The following BDP1 variants were observed in gnomAD, a reference collection of about 807,000 sequenced individuals.
BDP1 encodes BDP1 general transcription factor IIIB subunit.
A neutral mutation model predicts 266.6 loss-of-function variants in BDP1; 169 were observed. The observed-to-expected ratio is 0.63, with a 90% confidence interval of 0.56 to 0.72. BDP1 has a LOEUF of 0.72. Ranked by LOEUF, BDP1 falls within the 30% of genes least tolerant of loss-of-function variation. The pLI is 0.00. For missense variants in BDP1, 3,015 were observed against 3,053.8 expected (o/e 0.99, Z 0.30); for synonymous variants, 1,090 against 1,022.4 (o/e 1.07, Z -1.26).
rs115117069 is a variant in BDP1, at chr5:71,545,528, G to A, written c.6744+309G>A. On this transcript the variant is annotated intron_variant, in intron 32 of 38. Transcript: ENST00000358731. ...TGTATTTTTAGTAGAGACGGGATTC[G>A]CCATATTGGCCAGGCTGGTCTTGAA... 6.1e-3 allele frequency: 1,892 copies of A among 308,866 alleles called. 31 individuals are homozygous for A. Among genetic ancestry groups the A allele is most frequent in the South Asian group, 0.04 (878 of 22,120 alleles). The allele number at this position is 308,866 out of a possible 1,614,324, so 19.1% of individuals were successfully genotyped here.
At chr5:71,544,289 A>G (rs1051854809) in intron 30 of BDP1, 68 bp from the exon 31 acceptor site, 20 of 1,426,780 alleles carry the variant, frequency 1.4e-5, no homozygotes, top group Admixed American at 2.1e-5. Context: ...AAGAGGGCAT[A>G]TGTTTCTAAT....
intron 30 of BDP1, among the ~76,000 whole-genome samples, chr5:71,542,837 G>T (rs900091567): frequency 6.6e-6 from 1 of 152,002 alleles, no homozygotes; most frequent in East Asian, 1.9e-4. Flanking sequence ...GTTATATACT[G>T]TATTCTTATG....
rs1580108718 is a variant in BDP1, at chr5:71,510,572, A to G, written c.3480A>G (p.Pro1160=). 2 of 1,614,220 alleles carry G rather than the reference A, an allele frequency of 1.2e-6. No individual in the cohort carries two copies. Among genetic ancestry groups the G allele is most frequent in the Middle Eastern group, 1.6e-4 (1 of 6,062 alleles). ...RREISPEENG[P]EEVKPVDEME... Reference sequence around the variant, plus strand: ...AAATATCCCCAGAGGAAAATGGCCCAGAGGAGGTCAAGCCTGTAGATGAAA... The same window carrying G: ...AAATATCCCCAGAGGAAAATGGCCCGGAGGAGGTCAAGCCTGTAGATGAAA... Residue 1160 remains proline (P), a synonymous_variant, in exon 17 of 39, where the codon CCA becomes CCG. Coordinates refer to ENST00000358731, the MANE Select transcript of BDP1 (RefSeq NM_018429.3).
chr5:71,496,878 C>T (rs560953517), intron 12 of BDP1, among the ~76,000 whole-genome samples: 76 of 152,336 alleles, frequency 5.0e-4, no homozygotes, highest in Middle Eastern at 3.4e-3. Context: ...CCACTGCGCC[C>T]GGCCTTCCCA....
At chr5:71,457,703 G>A (rs1761286911) in intron 1 of BDP1, among the ~76,000 whole-genome samples, 1 of 152,128 alleles carries the variant, frequency 6.6e-6, no homozygotes, top group Non-Finnish European at 1.5e-5. Context: ...TGGGTGAAAT[G>A]CAGATAATGC....
Position 71,549,623 on chromosome 5 carries a change from A to G in BDP1, c.6995+17A>G, listed in dbSNP as rs773856898. The G allele has an allele frequency of 6.3e-7, 1 of 1,577,112 alleles. No individual in the cohort carries two copies. The highest frequency in any genetic ancestry group is 1.8e-5 in the Admixed American group (1 of 54,158). On this transcript the variant is annotated intron_variant, in intron 34 of 38. Coordinates refer to ENST00000358731, the MANE Select transcript of BDP1 (RefSeq NM_018429.3). ...TGACATGAGGTAACGAATGAGTGAAACTGTTTTTGCTAGGAGGAAAAGTGA... is the reference window on the plus strand; with the variant it reads ...TGACATGAGGTAACGAATGAGTGAAGCTGTTTTTGCTAGGAGGAAAAGTGA...
chr5:71,514,344 C>A (rs1284029628), intron 19 of BDP1, among the ~76,000 whole-genome samples: 2 of 152,050 alleles, frequency 1.3e-5, no homozygotes, highest in African/African-American at 4.8e-5. Context: ...ATTATACTTT[C>A]TGATTATAGA....
At chr5:71,531,854 A>G (rs1766266767) in intron 25 of BDP1, among the ~76,000 whole-genome samples, 1 of 152,182 alleles carries the variant, frequency 6.6e-6, no homozygotes, top group African/African-American at 2.4e-5. Context: ...GATAGCATTT[A>G]TGACCGTATA....
chr5:71,525,290 C>T (rs1461559380), intron 25 of BDP1, among the ~76,000 whole-genome samples: 4 of 141,244 alleles, frequency 2.8e-5, no homozygotes, highest in African/African-American at 8.0e-5. Context: ...CCCTCCCGGA[C>T]GGGGCGGCTG....
intron 37 of BDP1, among the ~76,000 whole-genome samples, chr5:71,561,585 C>T (rs1327459392): frequency 6.6e-6 from 1 of 152,130 alleles, no homozygotes; most frequent in African/African-American, 2.4e-5. Flanking sequence ...CAAAAGCAAC[C>T]ATAGACCATA....
intron 13 of BDP1, 119 bp downstream of exon 13, chr5:71,497,545 A>G: frequency 1.4e-6 from 1 of 705,976 alleles, no homozygotes; most frequent in Non-Finnish European, 2.3e-6. Flanking sequence ...AACAGATACA[A>G]GAACTTACAT....
intron 25 of BDP1, among the ~76,000 whole-genome samples, chr5:71,524,923 A>T (rs1261311158): frequency 6.6e-6 from 1 of 151,394 alleles, no homozygotes; most frequent in Non-Finnish European, 1.5e-5. Flanking sequence ...TGGACACAGC[A>T]CATGTTTCAG....
At position 71,470,472 on chromosome 5, in the gene BDP1, G is replaced by A; in HGVS notation, c.997G>A (p.Ala333Thr). The A allele has an allele frequency of 1.2e-6, 2 of 1,609,410 alleles. No individual in the cohort carries two copies. Among genetic ancestry groups the A allele is most frequent in the Non-Finnish European group, 1.7e-6 (2 of 1,176,908 alleles). The change falls in exon 7 of 39, where the codon GCA becomes ACA. Residue 333 changes from alanine (A) to threonine (T), a missense_variant. Coordinates refer to ENST00000358731, the MANE Select transcript of BDP1 (RefSeq NM_018429.3). ...SMIGQLFPHR[A>T]RIEIKNKFKR... ...GATCGGACAACTTTTTCCTCACAGA[G>A]CAAGGATAGAAATTAAGGTAAAGTA... is the stretch of plus-strand genomic sequence containing the variant.
At chr5:71,505,371 T>C (rs1764522870) in intron 16 of BDP1, among the ~76,000 whole-genome samples, 1 of 152,206 alleles carries the variant, frequency 6.6e-6, no homozygotes. Flanking sequence ...TGCTACTTAT[T>C]TTTAAAATAT....
chr5:71,573,944 C>T, the BDP1 span, among the ~76,000 whole-genome samples: 67,518 of 152,126 alleles, frequency 0.44, 15,386 homozygotes, highest in South Asian at 0.55. Context: ...TCAGATTCCT[C>T]ATACCGTGGC....
At chr5:71,542,005 C>A in intron 29 of BDP1, 100 bp from the exon 30 acceptor site, 1 of 928,930 alleles carries the variant, frequency 1.1e-6, no homozygotes, top group Admixed American at 3.1e-5. Context: ...CAGTGTGGCA[C>A]CTAACAGGTC....
chr5:71,523,959 A>G lies in BDP1; in HGVS notation c.5408A>G (p.Glu1803Gly), dbSNP rs774494707. 5 of 1,613,600 alleles carry G rather than the reference A, an allele frequency of 3.1e-6. No homozygotes were observed. The East Asian group carries it at 8.9e-5, about 29-fold the overall frequency. The change falls in exon 25 of 39, where the codon GAA (glutamate) becomes GGA (glycine). Residue 1803 changes from glutamate (E) to glycine (G), a missense_variant. By Grantham distance (98) the Glu-to-Gly change is moderately conservative (BLOSUM62 -2). This residue lies in a region of BDP1 where 2,383 missense variants were observed against 2,404.9 expected (regional missense o/e 0.99). Transcript: ENST00000358731. The stretch of plus-strand genomic sequence containing the variant: ...TCTAGCTGTCCACAACCGTTAAACG[A>G]AACAAGTTACTCTAAAATTGCCCTG... ...KLTSCPQPLNETSYSKIALDG... is the reference protein window; with the variant it reads ...KLTSCPQPLNGTSYSKIALDG...
At chr5:71,491,780 C>T (rs769549395) in intron 11 of BDP1, among the ~76,000 whole-genome samples, 63 of 152,246 alleles carry the variant, frequency 4.1e-4, no homozygotes, top group African/African-American at 1.4e-3. Context: ...TGCAGTGGCA[C>T]GATCTCAGCT....
intron 13 of BDP1, among the ~76,000 whole-genome samples, chr5:71,498,264 A>G (rs1764014062): frequency 4.0e-5 from 6 of 149,618 alleles, no homozygotes; most frequent in Admixed American, 4.0e-4. Flanking sequence ...TTTCTGTTTT[A>G]AGTTAGCAAA....
Sources: gnomAD v4.1 joint callset for allele counts (sites outside exome capture counted in the v4.1 genomes callset) on GRCh38, gnomAD v4.1.1 for gene constraint, gnomAD v4.1.1 regional missense constraint, MANE v1.5 for transcripts, NCBI Gene and HGNC (gene_info 2026-07-23, HGNC 2026-07-21) for gene names.